Variants in CNTNAP3B observed in about 807,000 individuals in gnomAD.
CNTNAP3B encodes the protein contactin-associated protein-like 3B.
In CNTNAP3B, 25 loss-of-function variants were observed where a neutral mutation model predicts 108.9. That is an observed-to-expected ratio of 0.23 (90% confidence interval 0.17 to 0.32). CNTNAP3B has a LOEUF of 0.32. CNTNAP3B is among the 10% of genes least tolerant of loss of function. CNTNAP3B has a pLI of 1.00. For missense variants in CNTNAP3B, 252 were observed against 1,210.4 expected (o/e 0.21, Z 11.75); for synonymous variants, 103 against 473.4 (o/e 0.22, Z 10.16).
rs1447555058 is a variant in CNTNAP3B at position 42,037,407 on chromosome 9, T to TA, written c.391-23883dup. ...AAAAAAGATTACACGAATGGCTAACTAGAATAAACAGTGTAGAGAAGTCCT... is the reference window on the plus strand; with the variant it reads ...AAAAAAGATTACACGAATGGCTAACTAAGAATAAACAGTGTAGAGAAGTCCT... On this transcript the variant is annotated intron_variant, in intron 3 of 23. Transcript: ENST00000377561. Among the ~76,000 whole-genome samples the TA allele has an allele frequency of 2.3e-5, 3 of 127,800 alleles. 1 individual carries two copies. The East Asian group carries it at 7.8e-4, about 33-fold the overall frequency. 83.8% of individuals were successfully genotyped at this position (127,800 alleles called of 152,430 possible).
chr9:41,999,376 C>A (rs1825958263), intron 4 of CNTNAP3B, among the ~76,000 whole-genome samples: 1 of 15,584 alleles, frequency 6.4e-5, no homozygotes, highest in Non-Finnish European at 1.1e-4. Flanking sequence ...CAGTTGAAGG[C>A]TGTAAGAGAA....
chr9:41,937,330 T>C (rs1285877980), intron 14 of CNTNAP3B, among the ~76,000 whole-genome samples: 1 of 152,078 alleles, frequency 6.6e-6, no homozygotes, highest in Admixed American at 6.5e-5. Flanking sequence ...TTTCGCCACA[T>C]TGGCCAGGCT....
rs1157110322 is a variant in CNTNAP3B at position 41,917,487 on chromosome 9, A to C, written c.2995+2583T>G. Reference sequence around the variant, plus strand: ...TGGCCTCCCTCTACCTCTTGGTTAAATGTGCCTCACTGCTCTGAAGCTGTG... The same window carrying C: ...TGGCCTCCCTCTACCTCTTGGTTAACTGTGCCTCACTGCTCTGAAGCTGTG... On this transcript the variant is annotated intron_variant, in intron 18 of 23. Coordinates refer to ENST00000377561, the MANE Select transcript of CNTNAP3B (RefSeq NM_001201380.3). Among the ~76,000 whole-genome samples, 3 of 142,010 alleles carry C rather than the reference A, an allele frequency of 2.1e-5. 1 individual carries two copies. The highest frequency in any genetic ancestry group is 8.3e-5 in the African/African-American group (3 of 36,212). The allele number at this position is 142,010 out of a possible 152,430, so 93.2% of individuals were successfully genotyped here. A position where few individuals can be genotyped will look rare whatever the true frequency, so the allele number is the denominator to read the frequency against.
chr9:42,056,326 T>TTTTTTTTTATTA (rs1554753495), intron 3 of CNTNAP3B, among the ~76,000 whole-genome samples: 16 of 129,132 alleles, frequency 1.2e-4, no homozygotes, highest in African/African-American at 4.2e-4. Flanking sequence ...TCTCATGAAT[T>TTTTTTTTTATTA]TTATTATTAT....
chr9:42,112,541 C>T (rs1828214592), intron 1 of CNTNAP3B, among the ~76,000 whole-genome samples: 1 of 138,578 alleles, frequency 7.2e-6, no homozygotes, highest in African/African-American at 2.9e-5. Context: ...CAGACAATTC[C>T]TAGAGTCTAC....
intron 2 of CNTNAP3B, among the ~76,000 whole-genome samples, chr9:42,079,416 G>C (rs1450227836): frequency 7.9e-6 from 1 of 126,492 alleles, no homozygotes; most frequent in African/African-American, 3.2e-5. Context: ...TCCTTTTGGG[G>C]TTGGTCTAAC....
At chr9:41,927,404 A>G (rs1823850141) in intron 15 of CNTNAP3B, among the ~76,000 whole-genome samples, 1 of 148,644 alleles carries the variant, frequency 6.7e-6, no homozygotes, top group Non-Finnish European at 1.5e-5. Flanking sequence ...AAAAGAAGAC[A>G]GGAAAGAAAG....
intron 13 of CNTNAP3B, among the ~76,000 whole-genome samples, chr9:41,943,622 G>A (rs1250194401): frequency 1.3e-5 from 2 of 150,492 alleles, no homozygotes; most frequent in Non-Finnish European, 3.0e-5. Flanking sequence ...AAAGTGCTGG[G>A]ATTACAGGCA....
intron 12 of CNTNAP3B, among the ~76,000 whole-genome samples, chr9:41,956,369 G>A (rs1260138311): frequency 6.6e-6 from 1 of 152,272 alleles, no homozygotes. Flanking sequence ...CTGGGTGACA[G>A]AGCAAGCCTC....
intron 9 of CNTNAP3B, chr9:41,975,036 C>T (rs1379383885): frequency 8.3e-6 from 2 of 242,356 alleles, no homozygotes; most frequent in Non-Finnish European, 1.6e-5. Context: ...TCCAAACCGT[C>T]CTAGCAGCTC....
intron 3 of CNTNAP3B, among the ~76,000 whole-genome samples, chr9:42,056,419 T>C (rs1048665629): frequency 7.2e-6 from 1 of 139,090 alleles, no homozygotes; most frequent in Non-Finnish European, 1.5e-5. Context: ...GGCGCAATCT[T>C]GGCTCACTGC....
intron 13 of CNTNAP3B, among the ~76,000 whole-genome samples, chr9:41,944,458 T>C (rs1824462662): frequency 6.6e-6 from 1 of 152,230 alleles, no homozygotes; most frequent in African/African-American, 2.4e-5. Flanking sequence ...ATTAATGAAG[T>C]GGAATAGTGT....
At chr9:41,969,109 T>A in intron 10 of CNTNAP3B, among the ~76,000 whole-genome samples, 1 of 152,286 alleles carries the variant, frequency 6.6e-6, no homozygotes, top group Non-Finnish European at 1.5e-5. Flanking sequence ...TTATCACTTT[T>A]CAATTTTTAA....
chr9:41,940,624 G>A (rs1452775610), intron 13 of CNTNAP3B, among the ~76,000 whole-genome samples: 1 of 152,262 alleles, frequency 6.6e-6, no homozygotes, highest in African/African-American at 2.4e-5. Flanking sequence ...AGACCATCCT[G>A]GCTAACACGG....
chr9:41,939,464 C>A (rs867515257), intron 13 of CNTNAP3B, among the ~76,000 whole-genome samples: 6 of 152,030 alleles, frequency 3.9e-5, no homozygotes, highest in Admixed American at 1.3e-4. Flanking sequence ...GCATTCATTA[C>A]CACCACCACT....
At chr9:41,933,228 G>T (rs1414670188) in intron 14 of CNTNAP3B, among the ~76,000 whole-genome samples, 3 of 151,878 alleles carry the variant, frequency 2.0e-5, no homozygotes, top group Non-Finnish European at 4.4e-5. Flanking sequence ...TTTTGTCATG[G>T]GGGGGGCTGT....
intron 9 of CNTNAP3B, chr9:41,979,800 G>T (rs1327368586): frequency 5.2e-5 from 6 of 114,334 alleles, no homozygotes; most frequent in Non-Finnish European, 8.5e-5. Context: ...TTTTAACCAG[G>T]CTCGTCTTCA....
chr9:42,056,326 T>A (rs1827067539), intron 3 of CNTNAP3B, among the ~76,000 whole-genome samples: 1 of 129,128 alleles, frequency 7.7e-6, no homozygotes, highest in Admixed American at 7.8e-5. Context: ...TCTCATGAAT[T>A]TTATTATTAT....
chr9:41,925,523 G>A (rs1451246820), intron 15 of CNTNAP3B, among the ~76,000 whole-genome samples: 4 of 152,278 alleles, frequency 2.6e-5, no homozygotes, highest in East Asian at 3.8e-4. Flanking sequence ...AACCCGGGAG[G>A]CGGAGCTTGC....
Sources: allele counts gnomAD v4.1 joint callset (sites outside exome capture counted in the v4.1 genomes callset), GRCh38; gene constraint gnomAD v4.1.1; transcripts MANE v1.5; gene names NCBI Gene and HGNC (gene_info 2026-07-23, HGNC 2026-07-21).